The following ETV3 variants were observed in gnomAD, a reference collection of about 807,000 sequenced individuals.
The protein encoded by ETV3 is ETS translocation variant 3.
A neutral mutation model predicts 33.0 loss-of-function variants in ETV3; 8 were observed. The observed-to-expected ratio is 0.24, with a 90% CI of 0.14 to 0.44. ETV3 has a LOEUF of 0.44. ETV3 is among the 20% of genes least tolerant of loss of function. ETV3 has a pLI of 1.00. For missense variants in ETV3, 473 were observed against 652.3 expected (o/e 0.73, Z 2.99); for synonymous variants, 222 against 238.9 (o/e 0.93, Z 0.65).
In ETV3 at chr1:157,124,320, G is replaced by C. The variant is rs2103197485; in HGVS notation, c.*521C>G. On this transcript the variant is annotated 3_prime_UTR_variant, in exon 5 of 5. Coordinates refer to ENST00000368192, the MANE Select transcript of ETV3 (RefSeq NM_001145312.3). ...CCCCAAGCCCCACCCCAGTAAGTCT[G>C]AGATTATCTTATTCCTTCCCTGAAA... The C allele has an allele frequency of 6.6e-6, 1 of 150,632 alleles. No homozygotes were observed. Among genetic ancestry groups the C allele is most frequent in the South Asian group, 2.1e-4 (1 of 4,768 alleles). 9.3% of individuals were successfully genotyped at this position (150,632 alleles called of 1,614,324 possible). A position where few individuals can be genotyped will look rare whatever the true frequency, so the allele number is the denominator to read the frequency against.
chr1:157,122,987 T>G lies in ETV3; in HGVS notation c.*1854A>C, dbSNP rs1674737386. Reference sequence around the variant, plus strand: ...CAGGCCATCTACTGTCTCCCTCACCTGCCCTAACCTTTTCTGAGTCCCTCC... The same window carrying G: ...CAGGCCATCTACTGTCTCCCTCACCGGCCCTAACCTTTTCTGAGTCCCTCC... On this transcript the variant is annotated 3_prime_UTR_variant, in exon 5 of 5. Transcript: ENST00000368192. The G allele has an allele frequency of 6.6e-6, 1 of 152,232 alleles. No individual in the cohort carries two copies. Among genetic ancestry groups the G allele is most frequent in the Admixed American group, 6.5e-5 (1 of 15,282 alleles). 9.4% of individuals were successfully genotyped at this position (152,232 alleles called of 1,614,324 possible).
At chr1:157,129,692 C>T (rs1434584021) in intron 4 of ETV3, among the ~76,000 whole-genome samples, 1 of 152,144 alleles carries the variant, frequency 6.6e-6, no homozygotes, top group African/African-American at 2.4e-5. Flanking sequence ...ACAATTCTAC[C>T]CTTTTTGATT....
intron 4 of ETV3, among the ~76,000 whole-genome samples, chr1:157,126,594 G>A (rs754050950): frequency 3.3e-5 from 5 of 152,234 alleles, no homozygotes; most frequent in Non-Finnish European, 5.9e-5. Flanking sequence ...TCACTGCCTA[G>A]ACTACCCACA....
rs576246266 is a variant in ETV3, at chr1:157,133,535, G to C, written c.400+577C>G. ...GCTATAACCAGGAAAGTCAAGAGGGGAAGCCCTACTGCACTTAACAGGAGA... is the reference window on the plus strand; with the variant it reads ...GCTATAACCAGGAAAGTCAAGAGGGCAAGCCCTACTGCACTTAACAGGAGA... On this transcript the variant is annotated intron_variant, in intron 4 of 4. Coordinates refer to ENST00000368192, the MANE Select transcript of ETV3 (RefSeq NM_001145312.3). The C allele has an allele frequency of 3.0e-6, 3 of 986,018 alleles. No homozygotes were observed. The East Asian group carries it at 3.4e-4, about 112-fold the overall frequency. The allele number at this position is 986,018 out of a possible 1,614,324, so 61.1% of individuals were successfully genotyped here.
At position 157,136,485 on chromosome 1, in the gene ETV3, CTCTT is replaced by C. The variant is rs1325045148; in HGVS notation, c.-13-124_-13-121del. The C allele has an allele frequency of 7.0e-6, 6 of 853,856 alleles. 1 individual carries two copies. The highest frequency in any genetic ancestry group is 6.9e-5 in the African/African-American group (4 of 58,112). 52.9% of individuals were successfully genotyped at this position (853,856 alleles called of 1,614,324 possible). A position where few individuals can be genotyped will look rare whatever the true frequency, so the allele number is the denominator to read the frequency against. On this transcript the variant is annotated intron_variant, in intron 1 of 4. Coordinates refer to ENST00000368192, the MANE Select transcript of ETV3 (RefSeq NM_001145312.3). ...CCTGTTCTTCTTTCCGTATGCAACTCTCTTTCTTTCAAACATGTCACCTCCAAAC... is the reference window on the plus strand; with the variant it reads ...CCTGTTCTTCTTTCCGTATGCAACTCTCTTTCAAACATGTCACCTCCAAAC...
In ETV3 at chr1:157,124,168, ATGTT is replaced by A. The variant is rs1674767074; in HGVS notation, c.*669_*672del. ...TCCCAGCCCCACTATAATTGGCAGT[ATGTT>A]TGTTCATGTTTCCTGAAAACATTTT... is the stretch of plus-strand genomic sequence containing the variant. On this transcript the variant is annotated 3_prime_UTR_variant, in exon 5 of 5. Coordinates refer to ENST00000368192, the MANE Select transcript of ETV3 (RefSeq NM_001145312.3). The A allele has an allele frequency of 2.1e-5, 3 of 144,656 alleles. No individual in the cohort carries two copies. The South Asian group carries it at 6.8e-4, about 33-fold the overall frequency. The allele number at this position is 144,656 out of a possible 1,614,324, so 9.0% of individuals were successfully genotyped here.
chr1:157,130,820 C>A (rs1025118540), intron 4 of ETV3, among the ~76,000 whole-genome samples: 1 of 152,036 alleles, frequency 6.6e-6, no homozygotes, highest in African/African-American at 2.4e-5. Context: ...AAAATTTAAA[C>A]CCTAAAAAGA....
chr1:157,124,961 C>G lies in ETV3; in HGVS notation c.1419G>C (p.Lys473Asn). The change falls in exon 5 of 5, where the codon AAG becomes AAC. Residue 473 changes from lysine (K) to asparagine (N), a missense_variant. This residue lies in a region of ETV3 where 410 missense variants were observed against 520.2 expected (regional missense o/e 0.79). Coordinates refer to ENST00000368192, the MANE Select transcript of ETV3 (RefSeq NM_001145312.3). ...EKKEDALMPP[K>N]LRLKRRWNDD... ...CATTCCAGCGCCGCTTCAACCGAAG[C>G]TTGGGGGGCATCAGTGCATCTTCTT... is the stretch of plus-strand genomic sequence containing the variant. The G allele has an allele frequency of 6.4e-7, 1 of 1,551,860 alleles. No homozygotes were observed. The highest frequency in any genetic ancestry group is 8.7e-7 in the Non-Finnish European group (1 of 1,147,040).
At chr1:157,131,180 G>A (rs1674959559) in intron 4 of ETV3, among the ~76,000 whole-genome samples, 3 of 152,234 alleles carry the variant, frequency 2.0e-5, no homozygotes, top group Admixed American at 1.3e-4. Flanking sequence ...GGAGTAGAGA[G>A]GCATAGACTG....
At chr1:157,135,365 G>T in intron 3 of ETV3, 106 bp downstream of exon 3, 1 of 1,324,042 alleles carries the variant, frequency 7.6e-7, no homozygotes, top group Non-Finnish European at 1.1e-6. Context: ...TATTCACTAA[G>T]ATAGTGTAGT....
In ETV3 at chr1:157,124,458, T is replaced by C. The variant is rs1189124174; in HGVS notation, c.*383A>G. On this transcript the variant is annotated 3_prime_UTR_variant, in exon 5 of 5. Transcript: ENST00000368192. Reference sequence around the variant, plus strand: ...TGTGTATCTCTTGGAGTAAAATAAATTCATTAATGGCTTTCCACATACAAA... The same window carrying C: ...TGTGTATCTCTTGGAGTAAAATAAACTCATTAATGGCTTTCCACATACAAA... 1 of 163,876 alleles carries C rather than the reference T, an allele frequency of 6.1e-6. No homozygotes were observed. The highest frequency in any genetic ancestry group is 6.1e-5 in the Admixed American group (1 of 16,460). The allele number at this position is 163,876 out of a possible 1,614,324, so 10.2% of individuals were successfully genotyped here. A position where few individuals can be genotyped will look rare whatever the true frequency, so the allele number is the denominator to read the frequency against.
rs183566865 is a variant in ETV3 at position 157,121,449 on chromosome 1, C to T, written c.*3392G>A. 9.2e-5 allele frequency: 14 copies of T among 152,246 alleles called. No homozygotes were observed. In the East Asian group the frequency reaches 2.7e-3, roughly 29 times the overall value. The allele number at this position is 152,246 out of a possible 1,614,324, so 9.4% of individuals were successfully genotyped here. Reference sequence around the variant, plus strand: ...ATGTACATATACACACTTTACTCTGCTCAAGCAGGTAACTAGTGAAGTCAC... The same window carrying T: ...ATGTACATATACACACTTTACTCTGTTCAAGCAGGTAACTAGTGAAGTCAC... On this transcript the variant is annotated 3_prime_UTR_variant, in exon 5 of 5. Coordinates refer to ENST00000368192, the MANE Select transcript of ETV3 (RefSeq NM_001145312.3).
In ETV3 at chr1:157,121,526, C is replaced by T. The variant is rs1674710534; in HGVS notation, c.*3315G>A. 6.6e-6 allele frequency: 1 copy of T among 152,202 alleles called. No individual in the cohort carries two copies. Among genetic ancestry groups the T allele is most frequent in the Admixed American group, 6.5e-5 (1 of 15,282 alleles). The allele number at this position is 152,202 out of a possible 1,614,324, so 9.4% of individuals were successfully genotyped here. A position where few individuals can be genotyped will look rare whatever the true frequency, so the allele number is the denominator to read the frequency against. On this transcript the variant is annotated 3_prime_UTR_variant, in exon 5 of 5. Transcript: ENST00000368192. ...AAATCCCTGCATCACAATTCTATAA[C>T]TCAAAGAATGCTTAAATATCTCAAA...
chr1:157,128,870 C>T (rs563123133), intron 4 of ETV3, among the ~76,000 whole-genome samples: 11 of 152,252 alleles, frequency 7.2e-5, no homozygotes, highest in African/African-American at 2.6e-4. Context: ...ACGGTAATTC[C>T]GATTTAGTAA....
chr1:157,138,167 C>G (rs1417276977), intron 1 of ETV3, 149 bp downstream of exon 1: 3 of 151,872 alleles, frequency 2.0e-5, no homozygotes, highest in African/African-American at 7.3e-5. Flanking sequence ...GACACGGGAT[C>G]CCACCCTCCC....
rs368655849 is a variant in ETV3, at chr1:157,128,063, A to G, written c.401-2084T>C. Among the ~76,000 whole-genome samples, 13 of 152,370 alleles carry G rather than the reference A, an allele frequency of 8.5e-5. No homozygotes were observed. The East Asian group carries it at 1.7e-3, about 20-fold the overall frequency. ...AACAAAATTTTAAGTATAGTGATCTAGGAGTGGAAACAAAAAAGGTACACA... is the reference window on the plus strand; with the variant it reads ...AACAAAATTTTAAGTATAGTGATCTGGGAGTGGAAACAAAAAAGGTACACA... On this transcript the variant is annotated intron_variant, in intron 4 of 4. Coordinates refer to ENST00000368192, the MANE Select transcript of ETV3 (RefSeq NM_001145312.3).
Position 157,135,653 on chromosome 1 carries a change from C to T in ETV3, c.102G>A (p.Gln34=), listed in dbSNP as rs1334311452. 1.9e-6 allele frequency: 3 copies of T among 1,614,120 alleles called. No individual in the cohort carries two copies. Among genetic ancestry groups the T allele is most frequent in the Non-Finnish European group, 2.5e-6 (3 of 1,180,056 alleles). ...YKTESSPGSR[Q]IQLWHFILEL... is the part of the protein sequence containing the mutation. ...CCAGGATGAAGTGCCACAGCTGGAT[C>T]TGCCGGGAGCCTGGGGATGACTCTG... Residue 34 remains glutamine, a synonymous_variant, in exon 3 of 5, where the codon CAG becomes CAA. Transcript: ENST00000368192.
chr1:157,133,956 T>C (rs1675033199), intron 4 of ETV3, 156 bp downstream of exon 4: 1 of 1,446,588 alleles, frequency 6.9e-7, no homozygotes. Context: ...TCCTTATAAG[T>C]GAGATGACTT....
Position 157,125,323 on chromosome 1 carries a change from G to A in ETV3, c.1057C>T (p.Arg353Trp). 5 of 1,551,920 alleles carry A rather than the reference G, an allele frequency of 3.2e-6. No individual in the cohort carries two copies. The highest frequency in any genetic ancestry group is 1.2e-5 in the South Asian group (1 of 84,058). The change falls in exon 5 of 5, where the codon CGG (arginine) becomes TGG (tryptophan). Residue 353 changes from arginine (R) to tryptophan (W), a missense_variant. Arg to Trp is a moderately radical substitution (Grantham distance 101, BLOSUM62 -3). This residue lies in a region of ETV3 where 410 missense variants were observed against 520.2 expected (regional missense o/e 0.79). Coordinates refer to ENST00000368192, the MANE Select transcript of ETV3 (RefSeq NM_001145312.3). This position sits in a 1 kb window ranked among gnomAD's most constrained non-coding sequence, Gnocchi z 4.0. The part of the protein sequence containing the change: ...SIKLQPPPVG[R>W]KNRERVESSE... The stretch of plus-strand genomic sequence containing the variant: ...CTCTCAACCCTCTCCCGGTTCTTCC[G>A]CCCAACTGGTGGGGGCTGCAGCTTG...
Sources: allele counts gnomAD v4.1 joint callset (sites outside exome capture counted in the v4.1 genomes callset), GRCh38; gene constraint gnomAD v4.1.1; regional missense constraint gnomAD v4.1.1; non-coding constraint Gnocchi (gnomAD v3.1); transcripts MANE v1.5; gene names NCBI Gene and HGNC (gene_info 2026-07-23, HGNC 2026-07-21).